Variants in AEN observed in about 807,000 individuals in gnomAD.
AEN encodes the protein apoptosis-enhancing nuclease.
Under a neutral mutation model 17.7 loss-of-function variants are expected in AEN, and 21 were observed. That is an observed-to-expected ratio of 1.19 (90% CI 0.84 to 1.71). The LOEUF (loss-of-function observed/expected upper bound fraction) is 1.71. Ranked by LOEUF, AEN falls within the 40% of genes most tolerant of loss-of-function variation. AEN has a pLI of 0.00. For missense variants in AEN, 462 were observed against 435.9 expected, an observed-to-expected ratio of 1.06 and a Z score of -0.53; for synonymous variants, 190 against 173.0, an observed-to-expected ratio of 1.10 and a Z score of -0.77.
At position 88,630,368 on chromosome 15, in the gene AEN, C is replaced by A. The variant is rs1336559426; in HGVS notation, c.*74C>A. 2.8e-6 allele frequency: 4 copies of A among 1,418,394 alleles called. No homozygotes were observed. In the East Asian group the frequency reaches 1.0e-4, roughly 35 times the overall value. 87.9% of individuals were successfully genotyped at this position (1,418,394 alleles called of 1,614,324 possible). On this transcript the variant is annotated 3_prime_UTR_variant, in exon 4 of 4. Coordinates refer to ENST00000332810, the MANE Select transcript of AEN (RefSeq NM_022767.4). The surrounding 1 kb of genome is among the most constrained non-coding windows in gnomAD (Gnocchi z 5.1). ...GTGGGGGCCAGGAGAGCAGCGGGCA[C>A]TCCTTCCTGGGCAGGGTGGGGCAGG...
the AEN span, chr15:88,611,971 G>T: frequency 2.2e-6 from 1 of 459,310 alleles, no homozygotes; most frequent in Non-Finnish European, 4.5e-6. Flanking sequence ...CCCCTTTTTG[G>T]CTATCCTTCC....
At chr15:88,618,379 C>T (rs1424968053), upstream of AEN, among the ~76,000 whole-genome samples, 1 of 152,172 alleles carries the variant, frequency 6.6e-6, no homozygotes, top group Non-Finnish European at 1.5e-5. Context: ...AACTTGTTAA[C>T]TCTAAAAAAT....
intron 1 of AEN, among the ~76,000 whole-genome samples, chr15:88,625,642 A>G (rs1000554185): frequency 1.8e-4 from 27 of 152,230 alleles, no homozygotes; most frequent in African/African-American, 6.0e-4. Flanking sequence ...TCATATTTCA[A>G]AAAAGTATTT....
chr15:88,608,688 AT>A, the AEN span, among the ~76,000 whole-genome samples: 1 of 152,174 alleles, frequency 6.6e-6, no homozygotes, highest in African/African-American at 2.4e-5. Flanking sequence ...CTTCACTTTG[AT>A]TTTTATTTGT....
intron 2 of AEN, 153 bp from the exon 3 acceptor site, chr15:88,629,073 C>T (rs1347012597): frequency 3.4e-5 from 25 of 733,208 alleles, no homozygotes; most frequent in Non-Finnish European, 2.1e-5. Flanking sequence ...CTTGGGGCAG[C>T]ATGGTTGACT....
At chr15:88,611,389 A>G in the AEN span, among the ~76,000 whole-genome samples, 1 of 147,842 alleles carries the variant, frequency 6.8e-6, no homozygotes, top group Non-Finnish European at 1.5e-5. Context: ...TGAGCCCAGG[A>G]GTTCAAGACC....
At chr15:88,626,926 C>G in intron 2 of AEN, 177 bp downstream of exon 2, 2 of 708,938 alleles carry the variant, frequency 2.8e-6, no homozygotes, top group Admixed American at 2.9e-5. Flanking sequence ...AAATCCTGAC[C>G]TTGCCTCCAG....
the AEN span, among the ~76,000 whole-genome samples, chr15:88,614,890 T>TTG: frequency 1.1e-3 from 158 of 146,702 alleles, no homozygotes; most frequent in African/African-American, 3.7e-3. Flanking sequence ...GTTGTTGTTG[T>TTG]TTTGTTTTGT....
chr15:88,630,079 T>C lies in AEN; in HGVS notation c.763T>C (p.Ser255Pro). The C allele has an allele frequency of 1.2e-6, 2 of 1,614,006 alleles. No individual in the cohort carries two copies. Among genetic ancestry groups the C allele is most frequent in the African/African-American group, 1.3e-5 (1 of 75,010 alleles). ...GTAGGTGGGCCAGCACGGGCACTCA[T>C]CAGTAGAAGATGCCACGACAGCCAT... is the stretch of plus-strand genomic sequence containing the variant. ...KIQVGQHGHS[S>P]VEDATTAMEL... is the part of the protein sequence containing the mutation. The change falls in exon 4 of 4, where the codon TCA (serine) becomes CCA (proline). Residue 255 changes from serine (S) to proline (P), a missense_variant. Coordinates refer to ENST00000332810, the MANE Select transcript of AEN (RefSeq NM_022767.4). The surrounding 1 kb of genome is among the most constrained non-coding windows in gnomAD (Gnocchi z 5.1).
chr15:88,626,777 G>T (rs1446001196), intron 2 of AEN, 28 bp downstream of exon 2: 3 of 1,586,694 alleles, frequency 1.9e-6, no homozygotes, highest in Non-Finnish European at 2.6e-6. Flanking sequence ...GACTTGTTTG[G>T]GAGGTGTGGT....
chr15:88,606,269 T>G, the AEN span, among the ~76,000 whole-genome samples: 2 of 152,094 alleles, frequency 1.3e-5, no homozygotes, highest in Non-Finnish European at 2.9e-5. Flanking sequence ...GCTCTCTGTA[T>G]GCCTTAATAG....
the AEN span, among the ~76,000 whole-genome samples, chr15:88,610,477 G>C: frequency 6.6e-6 from 1 of 152,096 alleles, no homozygotes; most frequent in East Asian, 1.9e-4. Context: ...TCTGGGGGAG[G>C]AACACCTCTC....
At chr15:88,616,386 C>A (rs913185585), upstream of AEN, among the ~76,000 whole-genome samples, 3 of 152,198 alleles carry the variant, frequency 2.0e-5, no homozygotes, top group African/African-American at 7.2e-5. Context: ...GCCACCGCAC[C>A]TGGCCTAGGA....
In AEN at chr15:88,630,345, G is replaced by A; in HGVS notation, c.*51G>A. 2.6e-6 allele frequency: 4 copies of A among 1,514,770 alleles called. No individual in the cohort carries two copies. The highest frequency in any genetic ancestry group is 2.7e-6 in the Non-Finnish European group (3 of 1,115,900). 93.8% of individuals were successfully genotyped at this position (1,514,770 alleles called of 1,614,324 possible). On this transcript the variant is annotated 3_prime_UTR_variant, in exon 4 of 4. Transcript: ENST00000332810. The surrounding 1 kb of genome is among the most constrained non-coding windows in gnomAD (Gnocchi z 5.1). ...GCTTCCGGTGTGGCCGGTAGGAAGT[G>A]GGGGCCAGGAGAGCAGCGGGCACTC...
chr15:88,627,939 G>T (rs1259143792), intron 2 of AEN: 1 of 152,128 alleles, frequency 6.6e-6, no homozygotes, highest in Non-Finnish European at 1.5e-5. Context: ...GATTAGGCAA[G>T]GTTGGGAAAT....
the AEN span, chr15:88,604,843 TC>T: frequency 6.6e-6 from 1 of 152,398 alleles, no homozygotes; most frequent in African/African-American, 2.4e-5. The surrounding 1 kb of genome is among the most constrained non-coding windows in gnomAD (Gnocchi z 8.1). Context: ...GCACTGCGGC[TC>T]CTGGGGGGAA....
Position 88,630,250 on chromosome 15 carries a change from G to C in AEN, c.934G>C (p.Gly312Arg), listed in dbSNP as rs776271669. ...DQYWPDDLAH[G>R]SRGGAREAQD... ...GTACTGGCCCGATGACCTGGCCCAC[G>C]GCAGCAGAGGAGGAGCCAGGGAGGC... The change falls in exon 4 of 4, where the codon GGC becomes CGC. Residue 312 changes from glycine (G) to arginine (R), a missense_variant. Transcript: ENST00000332810. The surrounding 1 kb of genome is among the most constrained non-coding windows in gnomAD (Gnocchi z 5.1). 10 of 1,597,212 alleles carry C rather than the reference G, an allele frequency of 6.3e-6. No homozygotes were observed. Among genetic ancestry groups the C allele is most frequent in the African/African-American group, 1.3e-5 (1 of 74,768 alleles).
the AEN span, chr15:88,608,254 G>A: frequency 4.3e-6 from 2 of 468,942 alleles, no homozygotes; most frequent in African/African-American, 2.0e-5. Flanking sequence ...CAGTAGCAAA[G>A]GACAGAACTC....
chr15:88,613,156 T>C, the AEN span, among the ~76,000 whole-genome samples: 1 of 152,202 alleles, frequency 6.6e-6, no homozygotes, highest in African/African-American at 2.4e-5. Flanking sequence ...TTAGCTGAGC[T>C]CATTCTACCT....
Sources: allele counts gnomAD v4.1 joint callset (sites outside exome capture counted in the v4.1 genomes callset), GRCh38; gene constraint gnomAD v4.1.1; non-coding constraint Gnocchi (gnomAD v3.1); transcripts MANE v1.5; gene names NCBI Gene and HGNC (gene_info 2026-07-23, HGNC 2026-07-21).